The following NXPE2 variants were observed in gnomAD, a reference collection of about 807,000 sequenced individuals.
NXPE2 encodes neurexophilin and PC-esterase domain family member 2, also known as NXPE family member 2.
In NXPE2, 34 loss-of-function variants were observed where a neutral mutation model predicts 34.4. That is an observed-to-expected ratio of 0.99 (90% CI 0.75 to 1.31). The LOEUF (loss-of-function observed/expected upper bound fraction) is 1.31. Among genes scored for constraint, NXPE2 ranks in the 40% most tolerant of loss-of-function variants. The pLI is 0.00. For synonymous variants in NXPE2, 235 were observed against 231.3 expected (o/e 1.02, Z -0.15); for missense variants, 649 against 672.5 (o/e 0.97, Z 0.39).
the NXPE2 span, among the ~76,000 whole-genome samples, chr11:114,646,203 T>TA: frequency 6.6e-6 from 1 of 152,068 alleles, no homozygotes; most frequent in African/African-American, 2.4e-5. Context: ...GTTTCTCTGT[T>TA]AAGTGTAATC....
At chr11:114,471,581 G>A in the NXPE2 span, among the ~76,000 whole-genome samples, 44 of 152,248 alleles carry the variant, frequency 2.9e-4, no homozygotes, top group African/African-American at 9.9e-4. Flanking sequence ...TAATAATTAA[G>A]TGTAAACAAC....
the NXPE2 span, chr11:114,584,384 C>G: frequency 3.0e-6 from 1 of 335,372 alleles, no homozygotes; most frequent in Non-Finnish European, 6.0e-6. Flanking sequence ...GCCCATCCAC[C>G]TGCAGTCCAA....
the NXPE2 span, among the ~76,000 whole-genome samples, chr11:114,766,965 T>C: frequency 6.6e-6 from 1 of 151,880 alleles, no homozygotes; most frequent in Admixed American, 6.6e-5. Context: ...CCAGGAAGAA[T>C]TACACCTTGA....
Position 114,698,613 on chromosome 11 carries a change from C to G in NXPE2, c.701C>G (p.Thr234Ser). ...AATGTCTTCACTGAATGTGGCCTGA[C>G]CCTAAACACAAATGCTGAACTGTGC... is the stretch of plus-strand genomic sequence containing the variant. Reference protein sequence around the residue: ...SSNVFTECGLTLNTNAELCQY... With the variant: ...SSNVFTECGLSLNTNAELCQY... Residue 234 changes from threonine (T) to serine (S), a missense_variant, in exon 3 of 6, where the codon ACC becomes AGC. Thr to Ser is a moderately conservative substitution (Grantham distance 58). Transcript: ENST00000389586. The G allele has an allele frequency of 3.1e-6, 5 of 1,614,168 alleles. No homozygotes were observed. The highest frequency in any genetic ancestry group is 4.2e-6 in the Non-Finnish European group (5 of 1,180,022).
the NXPE2 span, among the ~76,000 whole-genome samples, chr11:114,661,549 T>A: frequency 9.2e-5 from 14 of 152,338 alleles, no homozygotes; most frequent in East Asian, 2.7e-3. Flanking sequence ...TTTTATATCA[T>A]GGGTACCATT....
the NXPE2 span, among the ~76,000 whole-genome samples, chr11:114,633,471 G>A: frequency 6.9e-6 from 1 of 143,984 alleles, no homozygotes; most frequent in South Asian, 2.2e-4. Flanking sequence ...TTTTATTTTA[G>A]TATTATTATA....
the NXPE2 span, among the ~76,000 whole-genome samples, chr11:114,744,316 T>G: frequency 1.3e-5 from 2 of 152,200 alleles, no homozygotes; most frequent in Non-Finnish European, 2.9e-5. Flanking sequence ...CAGAGTGGCG[T>G]AGATACATCC....
chr11:114,534,874 A>G, the NXPE2 span, among the ~76,000 whole-genome samples: 1 of 152,252 alleles, frequency 6.6e-6, no homozygotes, highest in East Asian at 1.9e-4. Flanking sequence ...ATTATCCAGG[A>G]GAACTTCCCC....
At chr11:114,728,382 C>A in the NXPE2 span, among the ~76,000 whole-genome samples, 3 of 152,108 alleles carry the variant, frequency 2.0e-5, no homozygotes, top group Non-Finnish European at 4.4e-5. Context: ...ATGTTCCTCA[C>A]AGATGAATCA....
At chr11:114,577,009 TTATATA>T in the NXPE2 span, among the ~76,000 whole-genome samples, 147 of 116,236 alleles carry the variant, frequency 1.3e-3, 1 homozygote, top group African/African-American at 4.3e-3. Context: ...ATATATAAAG[TTATATA>T]TATATATATA....
At chr11:114,739,374 CA>C in the NXPE2 span, among the ~76,000 whole-genome samples, 20 of 40,408 alleles carry the variant, frequency 4.9e-4, no homozygotes, top group African/African-American at 1.4e-3. Context: ...CTCCCTCCCT[CA>C]CTCACTCCTT....
the NXPE2 span, among the ~76,000 whole-genome samples, chr11:114,801,772 AG>A: frequency 6.6e-6 from 1 of 152,172 alleles, no homozygotes; most frequent in Non-Finnish European, 1.5e-5. Flanking sequence ...GGGACGAGTC[AG>A]GTTTCTGGAC....
chr11:114,765,487 A>G, the NXPE2 span, among the ~76,000 whole-genome samples: 6 of 152,232 alleles, frequency 3.9e-5, no homozygotes, highest in African/African-American at 1.2e-4. Context: ...ACAGTATGGT[A>G]TAAACATAAC....
chr11:114,590,134 A>G, the NXPE2 span, among the ~76,000 whole-genome samples: 1 of 152,232 alleles, frequency 6.6e-6, no homozygotes, highest in African/African-American at 2.4e-5. Flanking sequence ...GCATTGTCAA[A>G]GGACCTCTCT....
At chr11:114,692,980 A>G (rs547373674) in intron 2 of NXPE2, among the ~76,000 whole-genome samples, 2 of 152,262 alleles carry the variant, frequency 1.3e-5, no homozygotes, top group South Asian at 2.1e-4. Flanking sequence ...CAATTTCTCT[A>G]TTATTTCTGA....
the NXPE2 span, among the ~76,000 whole-genome samples, chr11:114,541,668 G>T: frequency 2.6e-5 from 4 of 152,164 alleles, no homozygotes; most frequent in Non-Finnish European, 4.4e-5. Context: ...AATTTGAAGT[G>T]GGGGGGATGG....
intron 2 of NXPE2, among the ~76,000 whole-genome samples, chr11:114,697,337 A>T (rs1159765102): frequency 6.6e-6 from 1 of 152,216 alleles, no homozygotes; most frequent in East Asian, 1.9e-4. Context: ...TCTACAAGCC[A>T]AGGAACACCA....
chr11:114,645,836 AGGCC>A, the NXPE2 span, among the ~76,000 whole-genome samples: 1 of 152,212 alleles, frequency 6.6e-6, no homozygotes, highest in Non-Finnish European at 1.5e-5. Flanking sequence ...TTCATTAGAT[AGGCC>A]AAATTTGAGA....
At chr11:114,734,624 A>C in the NXPE2 span, among the ~76,000 whole-genome samples, 1 of 152,298 alleles carries the variant, frequency 6.6e-6, no homozygotes, top group East Asian at 1.9e-4. Context: ...GAAAATTAGC[A>C]TGACTTCTAA....
Sources: gnomAD v4.1 joint callset for allele counts (sites outside exome capture counted in the v4.1 genomes callset) on GRCh38, gnomAD v4.1.1 for gene constraint, MANE v1.5 for transcripts, NCBI Gene and HGNC (gene_info 2026-07-23, HGNC 2026-07-21) for gene names.